Variants in M1AP observed in about 807,000 individuals in gnomAD.
M1AP encodes meiosis 1 arrest protein.
A neutral mutation model predicts 51.2 loss-of-function variants in M1AP; 39 were observed. That is an observed-to-expected ratio of 0.76 (90% CI 0.59 to 1.00). M1AP has a LOEUF of 1.00. Among genes scored for constraint, M1AP ranks in the 50% least tolerant of loss-of-function variants. The pLI is 0.00. For synonymous variants in M1AP, 251 were observed against 249.2 expected (o/e 1.01, Z -0.07); for missense variants, 545 against 641.2 (o/e 0.85, Z 1.62).
intron 7 of M1AP, among the ~76,000 whole-genome samples, chr2:74,572,218 A>G (rs765270368): frequency 3.9e-5 from 6 of 152,220 alleles, no homozygotes; most frequent in Admixed American, 1.3e-4. Flanking sequence ...CTTCAGTGTT[A>G]TAGTCTGTAT....
intron 7 of M1AP, among the ~76,000 whole-genome samples, chr2:74,570,114 C>T (rs948354405): frequency 1.3e-5 from 2 of 152,070 alleles, no homozygotes; most frequent in African/African-American, 2.4e-5. Context: ...TGTGCAGAGA[C>T]TAAGCCACGT....
Position 74,562,276 on chromosome 2 carries a change from G to T in M1AP, c.1222C>A (p.Pro408Thr). The T allele has an allele frequency of 6.2e-7, 1 of 1,614,220 alleles. No individual in the cohort carries two copies. The highest frequency in any genetic ancestry group is 1.1e-5 in the South Asian group (1 of 91,084). ...KAVATRELML[P>T]STFPLLPEDP... is the part of the protein sequence containing the mutation. ...TCAGGTAGCAGGGGGAAGGTGCTGG[G>T]CAGCATCAGTTCCCGCGTGGCCACC... The change falls in exon 8 of 11, where the codon CCC becomes ACC. Residue 408 changes from proline to threonine, a missense_variant. Transcript: ENST00000421985.
rs78772601 is a variant in M1AP, at chr2:74,585,265, A to G, written c.596-3418T>C. 4.7e-3 allele frequency among the ~76,000 whole-genome samples: 721 copies of G among 152,296 alleles called. 7 individuals carry two copies. Among genetic ancestry groups the G allele is most frequent in the African/African-American group, 0.017 (692 of 41,556 alleles). ...AGTGCCCATCTTAAGTGCAGCTCAG[A>G]GAAGGCATGTGGACTCAGTGATGTG... On this transcript the variant is annotated intron_variant, in intron 4 of 10. Transcript: ENST00000421985.
intron 6 of M1AP, among the ~76,000 whole-genome samples, chr2:74,575,944 T>C (rs901448508): frequency 6.6e-6 from 1 of 152,198 alleles, no homozygotes; most frequent in African/African-American, 2.4e-5. Context: ...CCTTGAACTC[T>C]TGGGCTCAAG....
intron 3 of M1AP, among the ~76,000 whole-genome samples, chr2:74,609,892 T>G (rs1234908104): frequency 1.3e-5 from 2 of 152,242 alleles, no homozygotes; most frequent in Non-Finnish European, 2.9e-5. Flanking sequence ...AGATTATTCA[T>G]TTTTTCCCTG....
At chr2:74,611,932 C>T (rs1485774223) in intron 3 of M1AP, among the ~76,000 whole-genome samples, 2 of 97,846 alleles carry the variant, frequency 2.0e-5, no homozygotes, top group Non-Finnish European at 3.6e-5. Context: ...CTCACTCTGT[C>T]GCCCAGGCAG....
intron 4 of M1AP, among the ~76,000 whole-genome samples, chr2:74,587,964 TA>T (rs77543505): frequency 0.28 from 42,364 of 151,950 alleles, 9,181 homozygotes; most frequent in East Asian, 0.81. Context: ...GTTATAAAAT[TA>T]AAGTGTGTTT....
At position 74,643,033 on chromosome 2, in the gene M1AP, A is replaced by T. The variant is rs1223917064; in HGVS notation, c.-52-2706T>A. Among the ~76,000 whole-genome samples, 3 of 152,164 alleles carry T rather than the reference A, an allele frequency of 2.0e-5. No homozygotes were observed. The East Asian group carries it at 5.8e-4, about 29-fold the overall frequency. ...GTGCCCAGCTATAATTAATTTTTGT[A>T]TATTGACTTTAACAACCTTGCTGCA... On this transcript the variant is annotated intron_variant, in intron 1 of 10. Coordinates refer to ENST00000421985, the MANE Select transcript of M1AP (RefSeq NM_001321739.2).
rs1679580513 is a variant in M1AP at position 74,584,393 on chromosome 2, G to A, written c.596-2546C>T. 3.4e-5 allele frequency among the ~76,000 whole-genome samples: 5 copies of A among 147,376 alleles called. No homozygotes were observed. The South Asian group carries it at 1.1e-3, about 31-fold the overall frequency. The stretch of plus-strand genomic sequence containing the variant: ...GAAGTCTGAGGCAGGAGGACAGCTT[G>A]AGCCCAAAAGTTCAAGACCCACCTG... On this transcript the variant is annotated intron_variant, in intron 4 of 10. Coordinates refer to ENST00000421985, the MANE Select transcript of M1AP (RefSeq NM_001321739.2).
chr2:74,630,567 G>A (rs2104803871), intron 2 of M1AP, among the ~76,000 whole-genome samples: 1 of 152,278 alleles, frequency 6.6e-6, no homozygotes, highest in Non-Finnish European at 1.5e-5. Flanking sequence ...CCACTTATGA[G>A]TGAGAACATG....
In M1AP at chr2:74,560,179, G is replaced by C; in HGVS notation, c.1394C>G (p.Pro465Arg). ...TCTCGGAGCTCGGCTCTCCCAGTGT[G>C]GGTGGAGCCGCCCCTGAGGCTTGGC... ...IYAKPQGRLH[P>R]HWESRAPRKH... The change falls in exon 9 of 11, where the codon CCA becomes CGA. Residue 465 changes from proline to arginine, a missense_variant. Transcript: ENST00000421985. 1.2e-6 allele frequency: 2 copies of C among 1,613,978 alleles called. No individual in the cohort carries two copies. The highest frequency in any genetic ancestry group is 1.7e-6 in the Non-Finnish European group (2 of 1,179,988).
intron 7 of M1AP, among the ~76,000 whole-genome samples, chr2:74,563,606 T>TAA (rs750014043): frequency 1.3e-3 from 71 of 54,630 alleles, no homozygotes; most frequent in East Asian, 2.0e-3. Context: ...TCTCAAAACA[T>TAA]AAAAAAAAAA....
intron 3 of M1AP, among the ~76,000 whole-genome samples, chr2:74,610,726 G>C (rs544447529): frequency 6.6e-6 from 1 of 152,228 alleles, no homozygotes; most frequent in Non-Finnish European, 1.5e-5. Context: ...GGGATTACAG[G>C]CGTGAGCTAC....
chr2:74,609,917 T>G (rs1681227681), intron 3 of M1AP, among the ~76,000 whole-genome samples: 1 of 152,192 alleles, frequency 6.6e-6, no homozygotes, highest in Non-Finnish European at 1.5e-5. Context: ...GTTGTTTGAG[T>G]TCCTTATATA....
At chr2:74,565,090 G>A (rs945219314) in intron 7 of M1AP, among the ~76,000 whole-genome samples, 2 of 152,112 alleles carry the variant, frequency 1.3e-5, no homozygotes, top group African/African-American at 4.8e-5. Context: ...AGGCATGGTG[G>A]TGTATGCCTG....
chr2:74,604,175 C>T (rs763486980), intron 4 of M1AP, among the ~76,000 whole-genome samples: 9 of 152,224 alleles, frequency 5.9e-5, no homozygotes, highest in Non-Finnish European at 1.3e-4. Flanking sequence ...TACCTTTATG[C>T]CTCACTCCCA....
Position 74,607,066 on chromosome 2 carries a change from GT to G in M1AP, c.583del (p.Thr195ProfsTer18). The G allele has an allele frequency of 6.2e-7, 1 of 1,612,986 alleles. No individual in the cohort carries two copies. The highest frequency in any genetic ancestry group is 1.1e-5 in the South Asian group (1 of 90,914). ...TAAAAAATTCTTACCATCATTGCTGGTATCCTCAACAGGAGACGCTGAGTCC... is the reference window on the plus strand; with the variant it reads ...TAAAAAATTCTTACCATCATTGCTGGATCCTCAACAGGAGACGCTGAGTCC... ...HVDSASPVED[T>X]SNDESSILGT... On this transcript the variant is annotated frameshift_variant, in exon 4 of 11. Coordinates refer to ENST00000421985, the MANE Select transcript of M1AP (RefSeq NM_001321739.2). LOFTEE classifies it high-confidence loss of function.
intron 1 of M1AP, 71 bp downstream of exon 1, chr2:74,648,194 C>T: frequency 1.0e-6 from 1 of 958,694 alleles, no homozygotes; most frequent in Non-Finnish European, 1.2e-6. Flanking sequence ...GGCCCACGCC[C>T]AGCCCAGCCT....
intron 2 of M1AP, chr2:74,619,001 A>T: frequency 3.8e-6 from 2 of 527,338 alleles, no homozygotes; most frequent in Non-Finnish European, 7.7e-6. Context: ...CTCTGCCTTC[A>T]TGCATATTTT....
Sources: allele counts gnomAD v4.1 joint callset (sites outside exome capture counted in the v4.1 genomes callset), GRCh38; gene constraint gnomAD v4.1.1; transcripts MANE v1.5; gene names NCBI Gene and HGNC (gene_info 2026-07-23, HGNC 2026-07-21).